The following BNC2 variants were observed in gnomAD, a reference collection of about 807,000 sequenced individuals.
BNC2 encodes the protein basonuclin zinc finger protein 2.
BNC2 carries 20 observed loss-of-function variants against 76.3 expected under a neutral mutation model. The observed-to-expected ratio is 0.26, with a 90% confidence interval of 0.18 to 0.38. BNC2 has a LOEUF of 0.38. Among genes scored for constraint, BNC2 ranks in the 10% least tolerant of loss-of-function variants. The probability of loss-of-function intolerance (pLI) is 1.00; values close to 1 mark genes in which losing one functional copy is unlikely to be tolerated. For synonymous variants in BNC2, 582 were observed against 514.8 expected, an observed-to-expected ratio of 1.13 and a Z score of -1.77; for missense variants, 1,382 against 1,399.8, an observed-to-expected ratio of 0.99 and a Z score of 0.20.
At chr9:16,722,159 C>T (rs1824176466) in intron 3 of BNC2, among the ~76,000 whole-genome samples, 1 of 152,174 alleles carries the variant, frequency 6.6e-6, no homozygotes, top group Admixed American at 6.5e-5. Flanking sequence ...ACGGACTGTT[C>T]CTTTGGAATC....
intron 4 of BNC2, among the ~76,000 whole-genome samples, chr9:16,565,961 G>C (rs550950693): frequency 6.6e-6 from 1 of 151,734 alleles, no homozygotes; most frequent in African/African-American, 2.4e-5. Context: ...GAAGAACCAA[G>C]ATGACGCCAG....
intron 1 of BNC2, among the ~76,000 whole-genome samples, chr9:16,844,326 A>G (rs967360662): frequency 3.3e-5 from 5 of 151,962 alleles, no homozygotes; most frequent in Admixed American, 3.3e-4. Flanking sequence ...AAATATCCAT[A>G]TGCCTTTACA....
intron 3 of BNC2, chr9:16,685,522 G>C: frequency 7.8e-7 from 1 of 1,288,618 alleles, no homozygotes; most frequent in South Asian, 1.2e-5. Context: ...ACCCCTAGCT[G>C]AGAAAACAGT....
chr9:16,646,952 T>C (rs1007447510), intron 3 of BNC2, among the ~76,000 whole-genome samples: 1 of 152,158 alleles, frequency 6.6e-6, no homozygotes. Flanking sequence ...CAGATCTGTT[T>C]CATTTGTCAG....
chr9:16,512,488 A>ATG (rs1822780563), intron 5 of BNC2, among the ~76,000 whole-genome samples: 1 of 151,902 alleles, frequency 6.6e-6, no homozygotes, highest in East Asian at 1.9e-4. Flanking sequence ...ACACGCGCAC[A>ATG]CACACACACA....
chr9:16,668,588 C>T (rs895264347), intron 3 of BNC2, among the ~76,000 whole-genome samples: 16 of 152,174 alleles, frequency 1.1e-4, no homozygotes, highest in Admixed American at 8.5e-4. Flanking sequence ...TGCTAAAATA[C>T]CATCTTGAAA....
intron 5 of BNC2, among the ~76,000 whole-genome samples, chr9:16,455,957 A>T (rs1821439134): frequency 6.6e-6 from 1 of 152,212 alleles, no homozygotes; most frequent in Non-Finnish European, 1.5e-5. Context: ...CAACTTTTAT[A>T]ATTAGTGAAT....
At chr9:16,770,991 C>T (rs185667492) in intron 1 of BNC2, among the ~76,000 whole-genome samples, 233 of 151,988 alleles carry the variant, frequency 1.5e-3, no homozygotes, top group African/African-American at 5.1e-3. Flanking sequence ...GCCAACATGG[C>T]GAAACCCCTC....
chr9:16,690,047 T>A (rs1269942030), intron 3 of BNC2, among the ~76,000 whole-genome samples: 4 of 152,200 alleles, frequency 2.6e-5, no homozygotes, highest in Non-Finnish European at 5.9e-5. Context: ...TATCTCCATT[T>A]TTCAGCCTAC....
At chr9:16,519,192 T>C (rs934557684) in intron 5 of BNC2, among the ~76,000 whole-genome samples, 1 of 152,292 alleles carries the variant, frequency 6.6e-6, no homozygotes, top group South Asian at 2.1e-4. Flanking sequence ...AGGTGTGACC[T>C]TCATTTGCAT....
intron 3 of BNC2, among the ~76,000 whole-genome samples, chr9:16,715,363 C>A (rs772246433): frequency 6.6e-6 from 1 of 152,004 alleles, no homozygotes; most frequent in Admixed American, 6.5e-5. Context: ...AACTTTTTTT[C>A]TAATCACAGG....
intron 5 of BNC2, among the ~76,000 whole-genome samples, chr9:16,508,286 A>T (rs1822676037): frequency 6.6e-6 from 1 of 152,216 alleles, no homozygotes; most frequent in African/African-American, 2.4e-5. Flanking sequence ...ATCATCGCGG[A>T]CATTTCCAAC....
intron 5 of BNC2, among the ~76,000 whole-genome samples, chr9:16,532,925 G>A (rs945001373): frequency 1.3e-5 from 2 of 152,136 alleles, no homozygotes; most frequent in Admixed American, 6.5e-5. Context: ...TGCAAATCAG[G>A]GTTGGCTGGT....
chr9:16,856,439 T>A (rs1819260195), intron 1 of BNC2, among the ~76,000 whole-genome samples: 1 of 152,112 alleles, frequency 6.6e-6, no homozygotes. Context: ...GCGAAAATAT[T>A]TCTTATTTAT....
rs541125239 is a variant in BNC2, at chr9:16,779,962, C to A, written c.4-41477G>T. Among the ~76,000 whole-genome samples the A allele has an allele frequency of 8.5e-5, 13 of 152,246 alleles. No homozygotes were observed. The South Asian group carries it at 1.4e-3, about 17-fold the overall frequency. ...CTAAAAACTACTGAAACTGGCCGGG[C>A]GTGGTGGCTCACGCCTGTGATCCCA... On this transcript the variant is annotated intron_variant, in intron 1 of 6. Transcript: ENST00000380672.
At chr9:16,569,284 G>A (rs1276347915) in intron 4 of BNC2, among the ~76,000 whole-genome samples, 2 of 151,718 alleles carry the variant, frequency 1.3e-5, no homozygotes, top group African/African-American at 4.8e-5. Flanking sequence ...TACTCTCATG[G>A]TTTATTATGA....
chr9:16,429,992 C>T, intron 6 of BNC2: 1 of 513,866 alleles, frequency 1.9e-6, no homozygotes, highest in Non-Finnish European at 3.9e-6. Context: ...TTGCTCTTCT[C>T]CCAGTATCTA....
rs188293766 is a variant in BNC2, at chr9:16,842,805, G to T, written c.3+27841C>A. ...AGTCTCCTTCACTCTGTGCAGTCTT[G>T]CTGCAGTGCCATCTCGGCTCACTGC... On this transcript the variant is annotated intron_variant, in intron 1 of 6. Transcript: ENST00000380672. 3.3e-5 allele frequency among the ~76,000 whole-genome samples: 5 copies of T among 151,822 alleles called. No homozygotes were observed. The East Asian group carries it at 9.7e-4, about 29-fold the overall frequency.
intron 5 of BNC2, among the ~76,000 whole-genome samples, chr9:16,540,917 A>G (rs1227819101): frequency 6.6e-6 from 1 of 152,170 alleles, no homozygotes; most frequent in East Asian, 1.9e-4. Context: ...TGCTACAAAG[A>G]TGACATGTTT....
Sources: gnomAD v4.1 joint callset for allele counts (sites outside exome capture counted in the v4.1 genomes callset) on GRCh38, gnomAD v4.1.1 for gene constraint, MANE v1.5 for transcripts, NCBI Gene and HGNC (gene_info 2026-07-23, HGNC 2026-07-21) for gene names.